Variants in ADAMTS2 observed in about 807,000 individuals in gnomAD.
ADAMTS2 encodes ADAM metallopeptidase with thrombospondin type 1 motif 2, also known as A disintegrin and metalloproteinase with thrombospondin motifs 2.
Under a neutral mutation model 123.0 loss-of-function variants are expected in ADAMTS2, and 50 were observed. The ratio of observed to expected loss-of-function variants is 0.41; its 90% confidence interval spans 0.32 to 0.51. The LOEUF (loss-of-function observed/expected upper bound fraction) is 0.51. Among genes scored for constraint, ADAMTS2 ranks in the 20% least tolerant of loss-of-function variants. ADAMTS2 has a pLI of 0.35. For synonymous variants in ADAMTS2, 678 were observed against 695.4 expected (o/e 0.98, Z 0.39); for missense variants, 1,494 against 1,705.2 (o/e 0.88, Z 2.18).
chr5:179,243,349 G>C (rs908216414), intron 3 of ADAMTS2, among the ~76,000 whole-genome samples: 8 of 152,164 alleles, frequency 5.3e-5, no homozygotes, highest in African/African-American at 1.7e-4. Context: ...AGCTGGGTGT[G>C]ATACCAAATG....
At chr5:179,280,369 A>G (rs1766857104) in intron 2 of ADAMTS2, among the ~76,000 whole-genome samples, 2 of 152,180 alleles carry the variant, frequency 1.3e-5, no homozygotes, top group Admixed American at 6.5e-5. Flanking sequence ...CAATGCGGTC[A>G]TGGCCAGTCC....
rs1731712095 is a variant in ADAMTS2, at chr5:179,188,323, G to C, written c.892-7168C>G. ...TGGGACCCCCTGAAATAAGTGAGGA[G>C]AAGGCTGTTCTCTCTGTGCCCCTTC... is the stretch of plus-strand genomic sequence containing the variant. On this transcript the variant is annotated intron_variant, in intron 4 of 21. Transcript: ENST00000251582. The surrounding 1 kb of genome is among the most constrained non-coding windows in gnomAD (Gnocchi z 5.1). Among the ~76,000 whole-genome samples, 1 of 152,216 alleles carries C rather than the reference G, an allele frequency of 6.6e-6. No homozygotes were observed. The highest frequency in any genetic ancestry group is 2.4e-5 in the African/African-American group (1 of 41,466).
rs530421269 is a variant in ADAMTS2, at chr5:179,274,573, A to T, written c.535-1509T>A. On this transcript the variant is annotated intron_variant, in intron 2 of 21. Coordinates refer to ENST00000251582, the MANE Select transcript of ADAMTS2 (RefSeq NM_014244.5). ...AAGTAACCTCATGATGGCCTCTGCC[A>T]TATCATCATCTTGGTTGTGGGGGGG... Among the ~76,000 whole-genome samples, 12 of 152,330 alleles carry T rather than the reference A, an allele frequency of 7.9e-5. No homozygotes were observed. The Middle Eastern group carries it at 0.014, about 173-fold the overall frequency.
chr5:179,187,060 G>A (rs1464388422), intron 4 of ADAMTS2, among the ~76,000 whole-genome samples: 1 of 151,852 alleles, frequency 6.6e-6, no homozygotes, highest in Non-Finnish European at 1.5e-5. Flanking sequence ...GCTCCTGACA[G>A]CCCAGCCAGC....
chr5:179,145,583 C>T (rs1245427906), intron 10 of ADAMTS2, among the ~76,000 whole-genome samples: 2 of 152,124 alleles, frequency 1.3e-5, no homozygotes, highest in African/African-American at 4.8e-5. Context: ...GAACATTATG[C>T]CAAGTGAAAG....
chr5:179,299,294 C>A (rs538514710), intron 2 of ADAMTS2, among the ~76,000 whole-genome samples: 1 of 136,886 alleles, frequency 7.3e-6, no homozygotes, highest in East Asian at 2.1e-4. Context: ...CTTTGGGAGG[C>A]TGAGGCGGGC....
intron 5 of ADAMTS2, among the ~76,000 whole-genome samples, chr5:179,179,793 C>T (rs565904409): frequency 2.6e-4 from 40 of 152,220 alleles, no homozygotes; most frequent in African/African-American, 9.4e-4. Flanking sequence ...CTTCTGCCAC[C>T]GGAGTCCTTC....
chr5:179,345,386 A>G lies in ADAMTS2; in HGVS notation c.-58T>C. The G allele has an allele frequency of 9.2e-7, 1 of 1,088,120 alleles. No individual in the cohort carries two copies. 67.4% of individuals were successfully genotyped at this position (1,088,120 alleles called of 1,614,324 possible). A position where few individuals can be genotyped will look rare whatever the true frequency, so the allele number is the denominator to read the frequency against. On this transcript the variant is annotated 5_prime_UTR_variant, in exon 1 of 22. Transcript: ENST00000251582. This position sits in a 1 kb window ranked among gnomAD's most constrained non-coding sequence, Gnocchi z 7.5. Reference sequence around the variant, plus strand: ...GCAGCCGGCGCGAAAGTTCCCCGCGAGCCGCCCAGCCCACATCTGGGGGCA... The same window carrying G: ...GCAGCCGGCGCGAAAGTTCCCCGCGGGCCGCCCAGCCCACATCTGGGGGCA...
chr5:179,223,848 C>A (rs930883550), intron 3 of ADAMTS2, among the ~76,000 whole-genome samples: 2 of 152,204 alleles, frequency 1.3e-5, no homozygotes, highest in African/African-American at 4.8e-5. Context: ...TGCACACACA[C>A]AAACGTGCAC....
rs1489859645 is a variant in ADAMTS2 at position 179,307,111 on chromosome 5, C to T, written c.535-34047G>A. On this transcript the variant is annotated intron_variant, in intron 2 of 21. Transcript: ENST00000251582. The surrounding 1 kb of genome is among the most constrained non-coding windows in gnomAD (Gnocchi z 5.6). ...AAGAACCTCTCGGGGAAGTCAGTGG[C>T]CAGCCAGCCTAAGCCCGGCCCAGAC... Among the ~76,000 whole-genome samples, 5 of 152,186 alleles carry T rather than the reference C, an allele frequency of 3.3e-5. No individual in the cohort carries two copies. The highest frequency in any genetic ancestry group is 6.5e-5 in the Admixed American group (1 of 15,282).
rs1292006249 is a variant in ADAMTS2, at chr5:179,170,472, G to A, written c.975+10600C>T. ...CATGCTAAAATTCTTCTAGAGACGG[G>A]GGCCTCATTCCTTGACGGGAAGCCT... On this transcript the variant is annotated intron_variant, in intron 5 of 21. Coordinates refer to ENST00000251582, the MANE Select transcript of ADAMTS2 (RefSeq NM_014244.5). The surrounding 1 kb of genome is among the most constrained non-coding windows in gnomAD (Gnocchi z 4.3). Among the ~76,000 whole-genome samples, 1 of 152,044 alleles carries A rather than the reference G, an allele frequency of 6.6e-6. No individual in the cohort carries two copies. Among genetic ancestry groups the A allele is most frequent in the Non-Finnish European group, 1.5e-5 (1 of 68,006 alleles).
intron 3 of ADAMTS2, among the ~76,000 whole-genome samples, chr5:179,246,274 A>G (rs1312575511): frequency 1.3e-5 from 2 of 152,204 alleles, no homozygotes; most frequent in African/African-American, 4.8e-5. Flanking sequence ...ATATCCAGAG[A>G]ATTGTGGTTG....
At position 179,231,389 on chromosome 5, in the gene ADAMTS2, G is replaced by A. The variant is rs556708309; in HGVS notation, c.689-23674C>T. 3.0e-4 allele frequency among the ~76,000 whole-genome samples: 46 copies of A among 152,314 alleles called. 1 individual carries two copies. The Middle Eastern group carries it at 0.01, about 34-fold the overall frequency. On this transcript the variant is annotated intron_variant, in intron 3 of 21. Transcript: ENST00000251582. Reference sequence around the variant, plus strand: ...AATTCTCTGAGAGGTCTGAGCTCACGTTAAGTGTTCTTTCCACAAAAGCAA... The same window carrying A: ...AATTCTCTGAGAGGTCTGAGCTCACATTAAGTGTTCTTTCCACAAAAGCAA...
At chr5:179,231,502 G>A (rs1157873709) in intron 3 of ADAMTS2, among the ~76,000 whole-genome samples, 1 of 152,228 alleles carries the variant, frequency 6.6e-6, no homozygotes, top group Non-Finnish European at 1.5e-5. Flanking sequence ...TGGCGTCCCG[G>A]TGTCTGCACA....
In ADAMTS2 at chr5:179,259,128, G is replaced by C. The variant is rs144985044; in HGVS notation, c.688+13783C>G. ...GAGCCCACAGAAGCCATCGTGATCT[G>C]ACCTCCAGTCCCCTCAGGCCCTCAC... is the stretch of plus-strand genomic sequence containing the variant. On this transcript the variant is annotated intron_variant, in intron 3 of 21. Coordinates refer to ENST00000251582, the MANE Select transcript of ADAMTS2 (RefSeq NM_014244.5). Among the ~76,000 whole-genome samples the C allele has an allele frequency of 4.2e-3, 643 of 152,180 alleles. 4 individuals are homozygous for C. Among genetic ancestry groups the C allele is most frequent in the African/African-American group, 0.015 (610 of 41,528 alleles).
chr5:179,115,631 T>C lies in ADAMTS2; in HGVS notation c.3179-1307A>G, dbSNP rs907844579. 2.7e-5 allele frequency among the ~76,000 whole-genome samples: 4 copies of C among 148,502 alleles called. No individual in the cohort carries two copies. Among genetic ancestry groups the C allele is most frequent in the African/African-American group, 5.0e-5 (2 of 39,922 alleles). ...GGAGAGGGTGAAAGGAAGGAGGAAC[T>C]GAAGGAAGGAAAGAAAGGAAAAAAG... is the stretch of plus-strand genomic sequence containing the variant. On this transcript the variant is annotated intron_variant, in intron 21 of 21. Coordinates refer to ENST00000251582, the MANE Select transcript of ADAMTS2 (RefSeq NM_014244.5). The surrounding 1 kb of genome is among the most constrained non-coding windows in gnomAD (Gnocchi z 4.4).
intron 6 of ADAMTS2, among the ~76,000 whole-genome samples, chr5:179,157,479 T>C (rs892694832): frequency 2.0e-5 from 3 of 152,132 alleles, no homozygotes; most frequent in African/African-American, 7.2e-5. Context: ...GCTATGCTAT[T>C]AGGTGCGTCT....
intron 10 of ADAMTS2, among the ~76,000 whole-genome samples, chr5:179,148,385 C>A (rs1458111008): frequency 1.3e-5 from 2 of 152,184 alleles, no homozygotes; most frequent in Non-Finnish European, 2.9e-5. Flanking sequence ...CAGGAACAGT[C>A]CCCTTTCCTG....
At chr5:179,226,163 G>A (rs1404372791) in intron 3 of ADAMTS2, among the ~76,000 whole-genome samples, 1 of 152,094 alleles carries the variant, frequency 6.6e-6, no homozygotes, top group African/African-American at 2.4e-5. Flanking sequence ...ACAATTGTCA[G>A]AAAAGAAAAG....
Sources: gnomAD v4.1 joint callset for allele counts (sites outside exome capture counted in the v4.1 genomes callset) on GRCh38, gnomAD v4.1.1 for gene constraint, Gnocchi (gnomAD v3.1) non-coding constraint, MANE v1.5 for transcripts, NCBI Gene and HGNC (gene_info 2026-07-23, HGNC 2026-07-21) for gene names.